Variants in C1S observed in about 807,000 individuals in gnomAD.
C1S encodes complement C1s.
In C1S, 31 loss-of-function variants were observed where a neutral mutation model predicts 54.0. The observed-to-expected ratio is 0.57, with a 90% CI of 0.43 to 0.78. The LOEUF (loss-of-function observed/expected upper bound fraction) is 0.78. C1S is among the 30% of genes least tolerant of loss of function. C1S has a pLI of 0.00. For synonymous variants in C1S, 292 were observed against 303.6 expected, an observed-to-expected ratio of 0.96 and a Z score of 0.40; for missense variants, 727 against 851.8, an observed-to-expected ratio of 0.85 and a Z score of 1.82.
chr12:7,065,539 C>CTTTTT, intron 6 of C1S: 10 of 520,948 alleles, frequency 1.9e-5, no homozygotes, highest in South Asian at 2.3e-5. Context: ...TATTGTTATT[C>CTTTTT]TTTTTTTTTT....
chr12:7,066,260 A>G lies in C1S; in HGVS notation c.872-258A>G, dbSNP rs1177822915. 4.9e-6 allele frequency: 3 copies of G among 610,674 alleles called. No individual in the cohort carries two copies. The Admixed American group carries it at 8.6e-5, about 18-fold the overall frequency. The allele number at this position is 610,674 out of a possible 1,614,324, so 37.8% of individuals were successfully genotyped here. On this transcript the variant is annotated intron_variant, in intron 7 of 11. Coordinates refer to ENST00000360817, the MANE Select transcript of C1S (RefSeq NM_001734.5). ...CCTGAGATACTTCACTTCTTCAGGA[A>G]AATCTAAACCAGTCAACGGTTGCTA... is the stretch of plus-strand genomic sequence containing the variant.
At chr12:7,069,113 G>A (rs1298273007) in intron 11 of C1S, among the ~76,000 whole-genome samples, 1 of 152,168 alleles carries the variant, frequency 6.6e-6, no homozygotes, top group East Asian at 1.9e-4. Flanking sequence ...AAATGTGAAT[G>A]GGTGGGGTGC....
chr12:7,065,092 T>C lies in C1S; in HGVS notation c.518-8T>C. The C allele has an allele frequency of 6.8e-6, 11 of 1,609,640 alleles. No homozygotes were observed. Among genetic ancestry groups the C allele is most frequent in the Non-Finnish European group, 9.4e-6 (11 of 1,175,952 alleles). ...ATTTGATTCTCCCTTTCTCTTTTTCTCTGTTAGTTAATTGCAGTGGGGATG... is the reference window on the plus strand; with the variant it reads ...ATTTGATTCTCCCTTTCTCTTTTTCCCTGTTAGTTAATTGCAGTGGGGATG... On this transcript the variant is annotated splice_polypyrimidine_tract_variant and splice_region_variant and intron_variant, in intron 5 of 11. Transcript: ENST00000360817.
Position 7,061,852 on chromosome 12 carries a change from G to C in C1S, c.-61G>C, listed in dbSNP as rs1565618790. ...GCCACCCCTTAGGCTCCAAAGTCCG[G>C]AGGTGCAGAAAGCCAGGACCAAGAG... On this transcript the variant is annotated 5_prime_UTR_variant, in exon 2 of 12. Transcript: ENST00000360817. The C allele has an allele frequency of 6.2e-7, 1 of 1,608,382 alleles. No individual in the cohort carries two copies. Among genetic ancestry groups the C allele is most frequent in the Non-Finnish European group, 8.5e-7 (1 of 1,174,866 alleles).
At position 7,070,618 on chromosome 12, in the gene C1S, T is replaced by A; in HGVS notation, c.2034T>A (p.Thr678=). Residue 678 remains threonine, a synonymous_variant, in exon 12 of 12, where the codon ACT becomes ACA. Transcript: ENST00000360817. The surrounding 1 kb of genome is among the most constrained non-coding windows in gnomAD (Gnocchi z 4.9). ...VKNYVDWIMK[T]MQENSTPRED is the part of the protein sequence containing the mutation. ...ACTATGTTGACTGGATAATGAAGAC[T>A]ATGCAGGAAAATAGCACCCCCCGTG... 2 of 1,614,122 alleles carry A rather than the reference T, an allele frequency of 1.2e-6. No individual in the cohort carries two copies. Among genetic ancestry groups the A allele is most frequent in the Non-Finnish European group, 1.7e-6 (2 of 1,180,034 alleles).
intron 6 of C1S, 148 bp downstream of exon 6, chr12:7,065,447 T>C (rs934610790): frequency 4.1e-6 from 3 of 729,284 alleles, no homozygotes; most frequent in South Asian, 1.5e-5. Context: ...CCTTGATCTC[T>C]TGGGCTCAAG....
At chr12:7,064,804 G>A (rs1052236147) in intron 5 of C1S, among the ~76,000 whole-genome samples, 1 of 152,064 alleles carries the variant, frequency 6.6e-6, no homozygotes, top group Non-Finnish European at 1.5e-5. Context: ...TAAGACTATA[G>A]GGTAAAGTTA....
In C1S at chr12:7,070,916, A is replaced by G. The variant is rs1397822824; in HGVS notation, c.*265A>G. On this transcript the variant is annotated 3_prime_UTR_variant, in exon 12 of 12. Coordinates refer to ENST00000360817, the MANE Select transcript of C1S (RefSeq NM_001734.5). This position sits in a 1 kb window ranked among gnomAD's most constrained non-coding sequence, Gnocchi z 4.9. The stretch of plus-strand genomic sequence containing the variant: ...TATGGGTGGGGCACTCCTTTCTTGC[A>G]CTATTCCACAGGGATACCTTAATTC... 2 of 497,996 alleles carry G rather than the reference A, an allele frequency of 4.0e-6. No individual in the cohort carries two copies. The highest frequency in any genetic ancestry group is 7.4e-5 in the East Asian group (2 of 26,996). The allele number at this position is 497,996 out of a possible 1,614,324, so 30.8% of individuals were successfully genotyped here.
rs781835424 is a variant in C1S at position 7,070,282 on chromosome 12, G to A, written c.1698G>A (p.Leu566=). The stretch of plus-strand genomic sequence containing the variant: ...ACCTCATGGATGGGGACCTGGGACT[G>A]ATCTCAGGCTGGGGCCGAACAGAGA... ...DYNLMDGDLG[L]ISGWGRTEKR... Residue 566 remains leucine (L), a synonymous_variant, in exon 12 of 12, where the codon CTG becomes CTA. Coordinates refer to ENST00000360817, the MANE Select transcript of C1S (RefSeq NM_001734.5). This position sits in a 1 kb window ranked among gnomAD's most constrained non-coding sequence, Gnocchi z 4.9. 6.2e-7 allele frequency: 1 copy of A among 1,614,248 alleles called. No homozygotes were observed. The highest frequency in any genetic ancestry group is 1.1e-5 in the South Asian group (1 of 91,084).
At chr12:7,064,514 T>C in intron 5 of C1S, 122 bp downstream of exon 5, 1 of 877,034 alleles carries the variant, frequency 1.1e-6, no homozygotes, top group Non-Finnish European at 1.7e-6. Flanking sequence ...CACTTCTTTT[T>C]TATTTTAGAA....
chr12:7,067,221 G>A, intron 9 of C1S, 104 bp downstream of exon 9: 1 of 876,702 alleles, frequency 1.1e-6, no homozygotes, highest in Non-Finnish European at 1.9e-6. Context: ...GGCATGTGAG[G>A]GAGTGGGTTG....
intron 2 of C1S, 110 bp downstream of exon 2, chr12:7,062,027 T>C (rs1947096281): frequency 5.4e-6 from 6 of 1,107,532 alleles, no homozygotes; most frequent in Non-Finnish European, 8.2e-6. Context: ...CCCAGCACTT[T>C]GGGAGGCTGA....
At position 7,067,623 on chromosome 12, in the gene C1S, C is replaced by G; in HGVS notation, c.1067-20C>G. Reference sequence around the variant, plus strand: ...GGAAGTGGCTGTCCTGACCATCGCTCTCCTTCCTTCGTCTGGTAGCTGTGG... The same window carrying G: ...GGAAGTGGCTGTCCTGACCATCGCTGTCCTTCCTTCGTCTGGTAGCTGTGG... On this transcript the variant is annotated intron_variant, in intron 9 of 11. Coordinates refer to ENST00000360817, the MANE Select transcript of C1S (RefSeq NM_001734.5). 1.2e-6 allele frequency: 2 copies of G among 1,613,512 alleles called. No individual in the cohort carries two copies. The highest frequency in any genetic ancestry group is 1.7e-6 in the Non-Finnish European group (2 of 1,179,918).
intron 9 of C1S, 81 bp from the exon 10 acceptor site, chr12:7,067,562 G>A (rs1937702788): frequency 2.6e-6 from 4 of 1,516,216 alleles, no homozygotes; most frequent in Non-Finnish European, 3.7e-6. Context: ...TGGGGAAGCA[G>A]TGAGGATGAA....
rs1182725215 is a variant in C1S at position 7,067,742 on chromosome 12, C to T, written c.1166C>T (p.Pro389Leu). The T allele has an allele frequency of 3.1e-6, 5 of 1,613,768 alleles. No homozygotes were observed. The highest frequency in any genetic ancestry group is 2.2e-5 in the South Asian group (2 of 91,076). ...GSVIRYTCEE[P>L]YYYMENGGGG... ...GTCATCCGCTACACTTGTGAGGAGC[C>T]ATATTACTACATGGAAAATGGAGGA... The change falls in exon 10 of 12, where the codon CCA (proline) becomes CTA (leucine). Residue 389 changes from proline to leucine, a missense_variant. This residue lies in a region of C1S where 360 missense variants were observed against 453.6 expected (regional missense o/e 0.79). Coordinates refer to ENST00000360817, the MANE Select transcript of C1S (RefSeq NM_001734.5).
chr12:7,069,745 A>G (rs1373238280), intron 11 of C1S, 110 bp from the exon 12 acceptor site: 9 of 957,756 alleles, frequency 9.4e-6, no homozygotes, highest in Non-Finnish European at 1.4e-5. Context: ...ACTATTTTGT[A>G]CTAGAGAATC....
chr12:7,063,920 T>C, intron 4 of C1S: 1 of 445,580 alleles, frequency 2.2e-6, no homozygotes, highest in Admixed American at 2.4e-5. Flanking sequence ...TCCCAGCTCC[T>C]CGGGAGGTAG....
intron 4 of C1S, chr12:7,063,444 C>T (rs780847388): frequency 1.4e-5 from 6 of 440,666 alleles, no homozygotes; most frequent in Non-Finnish European, 2.8e-5. Flanking sequence ...TAATAACTTG[C>T]CAAGAATCAC....
At position 7,070,147 on chromosome 12, in the gene C1S, A is replaced by G; in HGVS notation, c.1563A>G (p.Glu521=). 6.2e-7 allele frequency: 1 copy of G among 1,614,238 alleles called. No individual in the cohort carries two copies. Among genetic ancestry groups the G allele is most frequent in the Non-Finnish European group, 8.5e-7 (1 of 1,180,040 alleles). ...GATGGAAGCTGCTGGAAGTCCCAGA[A>G]GGACGAACCAATTTTGATAATGACA... The part of the protein sequence containing the change: ...HPGWKLLEVP[E]GRTNFDNDIA... Residue 521 remains glutamate (E), a synonymous_variant, in exon 12 of 12, where the codon GAA becomes GAG. Coordinates refer to ENST00000360817, the MANE Select transcript of C1S (RefSeq NM_001734.5). The surrounding 1 kb of genome is among the most constrained non-coding windows in gnomAD (Gnocchi z 4.9).
Sources: allele counts gnomAD v4.1 joint callset (sites outside exome capture counted in the v4.1 genomes callset), GRCh38; gene constraint gnomAD v4.1.1; regional missense constraint gnomAD v4.1.1; non-coding constraint Gnocchi (gnomAD v3.1); transcripts MANE v1.5; gene names NCBI Gene and HGNC (gene_info 2026-07-23, HGNC 2026-07-21).